Variants in AGBL4 observed in about 807,000 individuals in gnomAD.
AGBL4 encodes the protein cytosolic carboxypeptidase 6.
A neutral mutation model predicts 66.4 loss-of-function variants in AGBL4; 58 were observed. The ratio of observed to expected loss-of-function variants is 0.87; its 90% CI spans 0.71 to 1.09. The LOEUF is 1.09. Ranked by LOEUF, AGBL4 falls within the 50% of genes least tolerant of loss-of-function variation. AGBL4 has a pLI of 0.00. For missense variants in AGBL4, 579 were observed against 631.0 expected, an observed-to-expected ratio of 0.92 and a Z score of 0.88; for synonymous variants, 234 against 222.9, an observed-to-expected ratio of 1.05 and a Z score of -0.44.
chr1:48,888,543 G>A (rs976468562), intron 5 of AGBL4, among the ~76,000 whole-genome samples: 9 of 152,104 alleles, frequency 5.9e-5, no homozygotes, highest in African/African-American at 2.2e-4. Context: ...GACATCCAAG[G>A]AAGGCCTTTC....
intron 6 of AGBL4, among the ~76,000 whole-genome samples, chr1:48,664,033 G>GCTTATCTT (rs1646147673): frequency 6.6e-6 from 1 of 152,184 alleles, no homozygotes; most frequent in Admixed American, 6.5e-5. Context: ...GCCAATGCAA[G>GCTTATCTT]ATAATCAATG....
At chr1:49,206,324 A>G (rs1648124414) in intron 4 of AGBL4, among the ~76,000 whole-genome samples, 1 of 151,984 alleles carries the variant, frequency 6.6e-6, no homozygotes, top group Admixed American at 6.6e-5. Context: ...AAAAACAAAA[A>G]CAAAACAAAA....
intron 4 of AGBL4, among the ~76,000 whole-genome samples, chr1:49,137,554 T>C (rs528476433): frequency 9.2e-5 from 14 of 152,288 alleles, no homozygotes; most frequent in African/African-American, 3.4e-4. Flanking sequence ...CTGATATTGA[T>C]ACTAATACTT....
Position 49,753,673 on chromosome 1 carries a change from G to A in AGBL4, c.158-56236C>T, listed in dbSNP as rs200951374. Among the ~76,000 whole-genome samples, 29 of 152,262 alleles carry A rather than the reference G, an allele frequency of 1.9e-4. No individual in the cohort carries two copies. In the East Asian group the frequency reaches 5.4e-3, roughly 28 times the overall value. ...TATCCTGAACAGTGTTTCCCAACTT[G>A]GTTCCATTCTGCCCCTCACTTTCAG... On this transcript the variant is annotated intron_variant, in intron 2 of 13. Transcript: ENST00000371839.
intron 2 of AGBL4, among the ~76,000 whole-genome samples, chr1:49,735,392 C>T (rs1274069470): frequency 6.7e-6 from 1 of 149,550 alleles, no homozygotes; most frequent in Non-Finnish European, 1.5e-5. Flanking sequence ...AGAAAAGACC[C>T]ATGAGTCAAA....
At chr1:49,328,788 C>A (rs1645273532) in intron 3 of AGBL4, among the ~76,000 whole-genome samples, 1 of 152,198 alleles carries the variant, frequency 6.6e-6, no homozygotes, top group South Asian at 2.1e-4. Flanking sequence ...CCCCAACAAA[C>A]CAACTCCTGT....
intron 1 of AGBL4, among the ~76,000 whole-genome samples, chr1:50,015,780 T>G (rs773034440): frequency 3.3e-5 from 5 of 152,078 alleles, no homozygotes; most frequent in Non-Finnish European, 7.4e-5. Flanking sequence ...AACAGCATGG[T>G]ACTAGTACAA....
intron 6 of AGBL4, among the ~76,000 whole-genome samples, chr1:48,841,823 T>TA (rs1254673774): frequency 1.3e-5 from 2 of 152,228 alleles, no homozygotes; most frequent in South Asian, 2.1e-4. Context: ...CTTTAAATAT[T>TA]AAAAAAATCT....
In AGBL4 at chr1:48,736,862, C is replaced by G. The variant is rs1006436241; in HGVS notation, c.635-73621G>C. On this transcript the variant is annotated intron_variant, in intron 6 of 13. Transcript: ENST00000371839. The surrounding 1 kb of genome is among the most constrained non-coding windows in gnomAD (Gnocchi z 4.0). Reference sequence around the variant, plus strand: ...CAAATCTCAGGACACCCATGCTTAACTTCTTTCTGTGTTACACTATGGAAA... The same window carrying G: ...CAAATCTCAGGACACCCATGCTTAAGTTCTTTCTGTGTTACACTATGGAAA... 1.3e-5 allele frequency among the ~76,000 whole-genome samples: 2 copies of G among 152,226 alleles called. No homozygotes were observed. The highest frequency in any genetic ancestry group is 6.5e-5 in the Admixed American group (1 of 15,284).
At chr1:49,981,206 G>A (rs764538879) in intron 1 of AGBL4, among the ~76,000 whole-genome samples, 11 of 152,226 alleles carry the variant, frequency 7.2e-5, no homozygotes, top group South Asian at 2.1e-4. Context: ...TTCTGTACAC[G>A]CTTGCTTTAT....
chr1:49,405,020 T>A (rs979540793), intron 3 of AGBL4, among the ~76,000 whole-genome samples: 6 of 152,198 alleles, frequency 3.9e-5, no homozygotes, highest in African/African-American at 2.4e-5. Context: ...AGCCTTCAGA[T>A]TCCACTGGGT....
chr1:49,025,306 G>C (rs748645956), intron 5 of AGBL4, among the ~76,000 whole-genome samples: 1 of 152,102 alleles, frequency 6.6e-6, no homozygotes, highest in African/African-American at 2.4e-5. Flanking sequence ...GGTGACTCAG[G>C]AAAGTTATCT....
At chr1:48,729,916 G>A (rs1200349577) in intron 6 of AGBL4, among the ~76,000 whole-genome samples, 1 of 152,176 alleles carries the variant, frequency 6.6e-6, no homozygotes, top group Admixed American at 6.5e-5. Context: ...GAAGGTAGGA[G>A]GCCCTGTCTC....
chr1:49,992,996 T>C (rs567516825), intron 1 of AGBL4, among the ~76,000 whole-genome samples: 1 of 152,358 alleles, frequency 6.6e-6, no homozygotes. Context: ...TGCACATCAT[T>C]ACTATTCCAT....
At chr1:48,630,045 T>C (rs978375822) in intron 9 of AGBL4, among the ~76,000 whole-genome samples, 4 of 152,256 alleles carry the variant, frequency 2.6e-5, no homozygotes, top group African/African-American at 9.6e-5. Context: ...AACCAGACCC[T>C]TTCCCTGGGG....
intron 4 of AGBL4, among the ~76,000 whole-genome samples, chr1:49,114,940 A>T (rs1373987804): frequency 6.6e-6 from 1 of 152,262 alleles, no homozygotes; most frequent in African/African-American, 2.4e-5. Flanking sequence ...AAAGTTTGAA[A>T]TATTGCAAGA....
chr1:48,939,955 A>T (rs1014466111), intron 5 of AGBL4, among the ~76,000 whole-genome samples: 2 of 152,224 alleles, frequency 1.3e-5, no homozygotes, highest in African/African-American at 4.8e-5. Context: ...CAATGCTGCT[A>T]AACATCCTAC....
chr1:49,212,165 G>A (rs1483794110), intron 4 of AGBL4, among the ~76,000 whole-genome samples: 3 of 152,056 alleles, frequency 2.0e-5, no homozygotes, highest in Non-Finnish European at 4.4e-5. Flanking sequence ...TTGAGTCACA[G>A]ATACAAACCA....
intron 1 of AGBL4, among the ~76,000 whole-genome samples, chr1:49,864,691 C>G (rs1027717453): frequency 2.6e-5 from 4 of 152,180 alleles, no homozygotes; most frequent in Non-Finnish European, 4.4e-5. Context: ...CCCTGATGAG[C>G]TCATGCCACC....
Sources: gnomAD v4.1 joint callset for allele counts (sites outside exome capture counted in the v4.1 genomes callset) on GRCh38, gnomAD v4.1.1 for gene constraint, Gnocchi (gnomAD v3.1) non-coding constraint, MANE v1.5 for transcripts, NCBI Gene and HGNC (gene_info 2026-07-23, HGNC 2026-07-21) for gene names.